CHN2: variants seen among roughly 807,000 people sequenced by gnomAD.
The protein encoded by CHN2 is beta-chimaerin.
CHN2 carries 35 observed loss-of-function variants against 56.3 expected under a neutral mutation model. That is an observed-to-expected ratio of 0.62 (90% confidence interval 0.47 to 0.82). The LOEUF (loss-of-function observed/expected upper bound fraction) is 0.82. CHN2 is among the 40% of genes least tolerant of loss of function. The pLI is 0.00. For missense variants in CHN2, 491 were observed against 580.5 expected, an observed-to-expected ratio of 0.85 and a Z score of 1.58; for synonymous variants, 210 against 212.8, an observed-to-expected ratio of 0.99 and a Z score of 0.12.
At chr7:29,486,483 C>T (rs963219787) in intron 7 of CHN2, among the ~76,000 whole-genome samples, 6 of 152,132 alleles carry the variant, frequency 3.9e-5, no homozygotes, top group Non-Finnish European at 8.8e-5. Flanking sequence ...TCCCCATTTG[C>T]CAGGGATGGT....
At chr7:29,410,302 C>G (rs141193716) in intron 6 of CHN2, among the ~76,000 whole-genome samples, 1 of 126,444 alleles carries the variant, frequency 7.9e-6, no homozygotes, top group African/African-American at 3.3e-5. Context: ...TGAAATTGAG[C>G]TGTTTTTGTC....
chr7:29,450,448 TCA>T (rs1784328381), intron 6 of CHN2, among the ~76,000 whole-genome samples: 1 of 152,176 alleles, frequency 6.6e-6, no homozygotes, highest in Admixed American at 6.5e-5. Flanking sequence ...GAAGGAGATT[TCA>T]CAGACAGTCA....
chr7:29,295,772 A>C (rs1301317199), intron 1 of CHN2, among the ~76,000 whole-genome samples: 1 of 152,176 alleles, frequency 6.6e-6, no homozygotes, highest in Non-Finnish European at 1.5e-5. Context: ...TGGGGGCTCT[A>C]AGTGAGCCCC....
intron 1 of CHN2, among the ~76,000 whole-genome samples, chr7:29,277,067 A>G (rs929967228): frequency 4.6e-5 from 7 of 152,164 alleles, no homozygotes; most frequent in Non-Finnish European, 7.3e-5. Context: ...TTCACTGATC[A>G]TGCATTTAAG....
At chr7:29,377,434 C>G (rs1800157257) in intron 3 of CHN2, among the ~76,000 whole-genome samples, 1 of 152,192 alleles carries the variant, frequency 6.6e-6, no homozygotes, top group Non-Finnish European at 1.5e-5. Flanking sequence ...TGTGGCTATG[C>G]ATGAATCCTT....
rs1423520966 is a variant in CHN2 at position 29,218,124 on chromosome 7, G to C, written c.49+23134G>C. On this transcript the variant is annotated intron_variant, in intron 1 of 12. Coordinates refer to ENST00000222792, the MANE Select transcript of CHN2 (RefSeq NM_004067.4). ...ACAATGAATTGGAACTAATTACAAAGCTCTAAAGGGCCCTGGGTGATGTTA... is the reference window on the plus strand; with the variant it reads ...ACAATGAATTGGAACTAATTACAAACCTCTAAAGGGCCCTGGGTGATGTTA... Among the ~76,000 whole-genome samples the C allele has an allele frequency of 2.0e-5, 3 of 152,162 alleles. No homozygotes were observed. The South Asian group carries it at 6.2e-4, about 32-fold the overall frequency.
At chr7:29,178,261 A>ATC (rs1374054133) in intron 2 of CHN2, among the ~76,000 whole-genome samples, 7 of 152,154 alleles carry the variant, frequency 4.6e-5, no homozygotes, top group African/African-American at 1.7e-4. Context: ...AGAACATGTT[A>ATC]TCCCCTTCCT....
At chr7:29,417,509 G>T (rs1803896253) in intron 6 of CHN2, among the ~76,000 whole-genome samples, 2 of 151,960 alleles carry the variant, frequency 1.3e-5, no homozygotes, top group African/African-American at 4.8e-5. Flanking sequence ...CTAATTTTTT[G>T]TATTTTTAGT....
At chr7:29,484,218 C>T (rs1206882145) in intron 7 of CHN2, among the ~76,000 whole-genome samples, 1 of 152,140 alleles carries the variant, frequency 6.6e-6, no homozygotes, top group Non-Finnish European at 1.5e-5. Context: ...CTGGTTTATA[C>T]CCCTCGTTTG....
intron 2 of CHN2, among the ~76,000 whole-genome samples, chr7:29,157,323 T>G (rs1253218110): frequency 6.7e-6 from 1 of 149,920 alleles, no homozygotes. Flanking sequence ...AAAATTGCAA[T>G]CCTTCTCCAC....
intron 6 of CHN2, among the ~76,000 whole-genome samples, chr7:29,426,590 T>G (rs1804884878): frequency 1.3e-5 from 2 of 152,208 alleles, no homozygotes; most frequent in South Asian, 4.1e-4. Context: ...TTACCTTCAC[T>G]ACTAGTTTTC....
At chr7:29,462,027 A>G (rs1246111934) in intron 6 of CHN2, among the ~76,000 whole-genome samples, 1 of 152,210 alleles carries the variant, frequency 6.6e-6, no homozygotes, top group African/African-American at 2.4e-5. Context: ...CTATTTTAAT[A>G]TTGTACTTGG....
intron 6 of CHN2, among the ~76,000 whole-genome samples, chr7:29,402,207 G>C (rs141023942): frequency 5.9e-4 from 90 of 152,278 alleles, no homozygotes; most frequent in African/African-American, 2.1e-3. Flanking sequence ...TGGTCCCGTT[G>C]GTGGAGACAG....
At chr7:29,420,255 C>T (rs567702903) in intron 6 of CHN2, among the ~76,000 whole-genome samples, 1 of 152,264 alleles carries the variant, frequency 6.6e-6, no homozygotes, top group Admixed American at 6.5e-5. Context: ...TATGATCTAA[C>T]AATTCCACTT....
intron 1 of CHN2, among the ~76,000 whole-genome samples, chr7:29,293,375 C>CA (rs1383945389): frequency 8.1e-6 from 1 of 122,754 alleles, no homozygotes; most frequent in Non-Finnish European, 1.8e-5. Flanking sequence ...CCCCCCCCCC[C>CA]CCATATTAAC....
chr7:29,164,147 C>A (rs1161319289), intron 2 of CHN2, among the ~76,000 whole-genome samples: 4 of 152,170 alleles, frequency 2.6e-5, no homozygotes, highest in African/African-American at 9.7e-5. Flanking sequence ...TTAGTTGCTC[C>A]ATATCCTTCC....
At chr7:29,496,634 A>G (rs1214463406) in intron 8 of CHN2, among the ~76,000 whole-genome samples, 1 of 152,218 alleles carries the variant, frequency 6.6e-6, no homozygotes. Flanking sequence ...CATTGTCATC[A>G]GATTAGCAGT....
At chr7:29,339,845 C>T (rs1796906834) in intron 1 of CHN2, among the ~76,000 whole-genome samples, 1 of 150,974 alleles carries the variant, frequency 6.6e-6, no homozygotes, top group Non-Finnish European at 1.5e-5. Context: ...AAGAATGAAA[C>T]TCCGTCTCAA....
At chr7:29,317,421 T>C (rs10486612) in intron 1 of CHN2, among the ~76,000 whole-genome samples, 36,107 of 152,084 alleles carry the variant, frequency 0.24, 5,395 homozygotes, top group East Asian at 0.35. Context: ...AGATCCTCGA[T>C]GTGCAAAGTG....
Sources: allele counts gnomAD v4.1 joint callset (sites outside exome capture counted in the v4.1 genomes callset), GRCh38; gene constraint gnomAD v4.1.1; transcripts MANE v1.5; gene names NCBI Gene and HGNC (gene_info 2026-07-23, HGNC 2026-07-21).